The following CASR variants were observed in gnomAD, a reference collection of about 807,000 sequenced individuals.
CASR encodes the protein extracellular calcium-sensing receptor.
CASR carries 23 observed loss-of-function variants against 69.1 expected under a neutral mutation model. The observed-to-expected ratio is 0.33, with a 90% confidence interval of 0.24 to 0.47. The LOEUF is 0.47. Among genes scored for constraint, CASR ranks in the 20% least tolerant of loss-of-function variants. The probability of loss-of-function intolerance (pLI) is 1.00; values close to 1 mark genes in which losing one functional copy is unlikely to be tolerated. For missense variants in CASR, 924 were observed against 1,356.1 expected, an observed-to-expected ratio of 0.68 and a Z score of 5.00; for synonymous variants, 541 against 544.7, an observed-to-expected ratio of 0.99 and a Z score of 0.10.
At chr3:122,215,503 A>G (rs1576827271) in intron 1 of CASR, among the ~76,000 whole-genome samples, 1 of 152,230 alleles carries the variant, frequency 6.6e-6, no homozygotes, top group African/African-American at 2.4e-5. Flanking sequence ...AGTGAAGCAC[A>G]GATTATTACG....
intron 1 of CASR, among the ~76,000 whole-genome samples, chr3:122,204,697 G>A (rs1050306385): frequency 6.6e-6 from 1 of 152,106 alleles, no homozygotes; most frequent in African/African-American, 2.4e-5. Flanking sequence ...CACCAACAGT[G>A]TATGAAGGTT....
At position 122,284,948 on chromosome 3, in the gene CASR, G is replaced by A. The variant is rs200260696; in HGVS notation, c.2994G>A (p.Leu998=). Residue 998 remains leucine, a synonymous_variant, in exon 7 of 7, where the codon CTG becomes CTA. Transcript: ENST00000639785. ...AHRNSTHQNS[L]EAQKSSDTLT... ...GGAATTCTACGCACCAGAACTCCCT[G>A]GAGGCCCAGAAAAGCAGCGATACGC... 8.1e-6 allele frequency: 13 copies of A among 1,614,034 alleles called. No individual in the cohort carries two copies. The highest frequency in any genetic ancestry group is 2.2e-5 in the East Asian group (1 of 44,892).
intron 4 of CASR, among the ~76,000 whole-genome samples, chr3:122,270,279 G>T (rs13089000): frequency 6.6e-6 from 1 of 152,186 alleles, no homozygotes; most frequent in Non-Finnish European, 1.5e-5. Context: ...ACTGGCATAA[G>T]TTTATTTATA....
At chr3:122,210,733 C>T (rs1475667878) in intron 1 of CASR, among the ~76,000 whole-genome samples, 1 of 151,944 alleles carries the variant, frequency 6.6e-6, no homozygotes, top group African/African-American at 2.4e-5. Flanking sequence ...TAGAAAAAAC[C>T]ACTTTAAAAT....
At chr3:122,198,841 A>C (rs2073915225) in intron 1 of CASR, among the ~76,000 whole-genome samples, 1 of 97,930 alleles carries the variant, frequency 1.0e-5, no homozygotes, top group Admixed American at 8.5e-5. Context: ...ATATGAGAGG[A>C]TATATATATA....
chr3:122,237,549 G>C (rs1402620143), intron 1 of CASR, among the ~76,000 whole-genome samples: 1 of 151,984 alleles, frequency 6.6e-6, no homozygotes, highest in Non-Finnish European at 1.5e-5. Context: ...TTCACGCAGT[G>C]GAATATTATA....
chr3:122,221,675 A>G (rs1559942914), intron 1 of CASR, among the ~76,000 whole-genome samples: 1 of 152,336 alleles, frequency 6.6e-6, no homozygotes, highest in East Asian at 1.9e-4. Context: ...TCTCTAGTAC[A>G]CCAGTGAACA....
chr3:122,192,075 G>T (rs1013421779), intron 1 of CASR, among the ~76,000 whole-genome samples: 11 of 152,218 alleles, frequency 7.2e-5, no homozygotes, highest in Admixed American at 2.0e-4. Context: ...GCCCAATGAT[G>T]TTCTTCACAG....
At chr3:122,198,840 GAT>G (rs35390174) in intron 1 of CASR, among the ~76,000 whole-genome samples, 18 of 149,696 alleles carry the variant, frequency 1.2e-4, no homozygotes, top group South Asian at 2.1e-4. Flanking sequence ...TATATGAGAG[GAT>G]ATATATATAT....
intron 1 of CASR, among the ~76,000 whole-genome samples, chr3:122,211,461 A>G (rs1043382948): frequency 6.6e-6 from 1 of 152,250 alleles, no homozygotes; most frequent in African/African-American, 2.4e-5. Flanking sequence ...TAATCCCAAC[A>G]TGTTGGGAGG....
At chr3:122,281,594 C>T (rs1442590249) in intron 5 of CASR, among the ~76,000 whole-genome samples, 1 of 152,132 alleles carries the variant, frequency 6.6e-6, no homozygotes, top group East Asian at 1.9e-4. Flanking sequence ...TGTTGGATTT[C>T]ATCAAATGCT....
chr3:122,274,843 C>T (rs1298129463), intron 4 of CASR, among the ~76,000 whole-genome samples: 3 of 152,174 alleles, frequency 2.0e-5, no homozygotes, highest in African/African-American at 4.8e-5. Flanking sequence ...CTTACTCTCA[C>T]GTGGTGTCAC....
intron 2 of CASR, among the ~76,000 whole-genome samples, chr3:122,256,327 T>A (rs1285671837): frequency 2.0e-5 from 3 of 152,234 alleles, no homozygotes; most frequent in Admixed American, 1.3e-4. Flanking sequence ...CACCCACATA[T>A]TAATATCCTA....
intron 1 of CASR, among the ~76,000 whole-genome samples, chr3:122,200,996 TTTTTTTTTA>T (rs746046247): frequency 0.013 from 1,328 of 102,110 alleles, 9 homozygotes; most frequent in Non-Finnish European, 0.021. Context: ...TTGCTTTTCT[TTTTTTTTTA>T]TTTTTTTTTT....
intron 1 of CASR, among the ~76,000 whole-genome samples, chr3:122,220,545 C>T (rs180830910): frequency 1.4e-4 from 21 of 152,356 alleles, no homozygotes; most frequent in Non-Finnish European, 2.4e-4. Context: ...CAAGGATTTA[C>T]AGCTTTTTGA....
chr3:122,194,685 A>G (rs942565366), intron 1 of CASR, among the ~76,000 whole-genome samples: 2 of 152,178 alleles, frequency 1.3e-5, no homozygotes, highest in Admixed American at 6.5e-5. Context: ...GGTACTAGCC[A>G]TGTCTTATAA....
intron 1 of CASR, among the ~76,000 whole-genome samples, chr3:122,192,848 TTTCTC>T (rs2073852497): frequency 6.6e-6 from 1 of 152,194 alleles, no homozygotes; most frequent in Non-Finnish European, 1.5e-5. Context: ...GATCACCTCT[TTTCTC>T]TGCTCTTCTC....
chr3:122,186,675 A>G lies in CASR; in HGVS notation c.-243+2863A>G, dbSNP rs567014072. ...AAGATAAACTGTCTGAAGGAAAGAA[A>G]CGAAGTTCTTTGAGGGTGTATACAG... is the stretch of plus-strand genomic sequence containing the variant. On this transcript the variant is annotated intron_variant, in intron 1 of 6. Coordinates refer to ENST00000639785, the MANE Select transcript of CASR (RefSeq NM_000388.4). 3.5e-4 allele frequency among the ~76,000 whole-genome samples: 53 copies of G among 152,328 alleles called. 1 individual carries two copies. The highest frequency in any genetic ancestry group is 3.3e-4 in the Admixed American group (5 of 15,310).
chr3:122,193,077 T>C (rs889601191), intron 1 of CASR, among the ~76,000 whole-genome samples: 69 of 152,322 alleles, frequency 4.5e-4, no homozygotes, highest in African/African-American at 1.6e-3. Context: ...ATCCACTCCT[T>C]CTTTAATTTT....
Sources: gnomAD v4.1 joint callset for allele counts (sites outside exome capture counted in the v4.1 genomes callset) on GRCh38, gnomAD v4.1.1 for gene constraint, MANE v1.5 for transcripts, NCBI Gene and HGNC (gene_info 2026-07-23, HGNC 2026-07-21) for gene names.